Variants in ITPR1 observed in about 807,000 individuals in gnomAD.
ITPR1 encodes the protein inositol 1,4,5-trisphosphate-gated calcium channel ITPR1.
Under a neutral mutation model 318.4 loss-of-function variants are expected in ITPR1, and 96 were observed. That is an observed-to-expected ratio of 0.30 (90% CI 0.26 to 0.36). The LOEUF is 0.36. Among genes scored for constraint, ITPR1 ranks in the 10% least tolerant of loss-of-function variants. The pLI, the probability that ITPR1 is intolerant of heterozygous loss-of-function variation, is 1.00. For synonymous variants in ITPR1, 1,312 were observed against 1,289.9 expected (o/e 1.02, Z -0.37); for missense variants, 2,440 against 3,460.2 (o/e 0.71, Z 7.40).
intron 4 of ITPR1, among the ~76,000 whole-genome samples, chr3:4,567,252 A>G (rs908066427): frequency 6.6e-6 from 1 of 151,934 alleles, no homozygotes; most frequent in East Asian, 1.9e-4. Context: ...TGTTGTCACT[A>G]TTTTTCTTTA....
At chr3:4,736,129 G>C (rs2043247482) in intron 44 of ITPR1, among the ~76,000 whole-genome samples, 1 of 138,978 alleles carries the variant, frequency 7.2e-6, no homozygotes, top group Non-Finnish European at 1.6e-5. Context: ...TTCTTTGTTA[G>C]CTCTCTGAAT....
chr3:4,523,840 T>C (rs1413315319), intron 4 of ITPR1, among the ~76,000 whole-genome samples: 1 of 152,176 alleles, frequency 6.6e-6, no homozygotes, highest in African/African-American at 2.4e-5. Flanking sequence ...GGCACGACTG[T>C]AAAGGTGCCT....
intron 4 of ITPR1, among the ~76,000 whole-genome samples, chr3:4,597,141 G>C (rs371205557): frequency 6.6e-6 from 1 of 152,150 alleles, no homozygotes; most frequent in African/African-American, 2.4e-5. Context: ...TGGTTCATTT[G>C]TTTTGTTTGT....
chr3:4,658,241 C>T lies in ITPR1; in HGVS notation c.1114C>T (p.Pro372Ser), dbSNP rs2093757136. 6.2e-7 allele frequency: 1 copy of T among 1,613,182 alleles called. No homozygotes were observed. The highest frequency in any genetic ancestry group is 1.1e-5 in the South Asian group (1 of 91,006). Reference sequence around the variant, plus strand: ...CATCTCCTCCATTTTCGAGCTAGATCCCACCACTCTGCGTGGAGGTGACAG... The same window carrying T: ...CATCTCCTCCATTTTCGAGCTAGATTCCACCACTCTGCGTGGAGGTGACAG... The part of the protein sequence containing the change: ...NDISSIFELD[P>S]TTLRGGDSLV... Residue 372 changes from proline (P) to serine (S), a missense_variant, in exon 13 of 62, where the codon CCC becomes TCC. By Grantham distance (74) the Pro-to-Ser change is moderately conservative. Around this residue, in one of 23 missense-constraint regions of ITPR1, gnomAD observed 101 missense variants for 119.6 expected, o/e 0.84. Transcript: ENST00000649015.
chr3:4,636,994 C>G (rs1283087664), intron 5 of ITPR1, among the ~76,000 whole-genome samples: 1 of 152,186 alleles, frequency 6.6e-6, no homozygotes, highest in African/African-American at 2.4e-5. Context: ...ATTAGCATTT[C>G]TTAAACTGAA....
At chr3:4,726,193 C>T (rs542712732) in intron 41 of ITPR1, among the ~76,000 whole-genome samples, 2 of 152,130 alleles carry the variant, frequency 1.3e-5, no homozygotes, top group Non-Finnish European at 2.9e-5. Flanking sequence ...CAACGCTCAG[C>T]GAATTTTTGT....
chr3:4,770,512 G>A (rs1428392436), intron 46 of ITPR1, among the ~76,000 whole-genome samples: 2 of 152,176 alleles, frequency 1.3e-5, no homozygotes, highest in South Asian at 2.1e-4. Flanking sequence ...AAACCCCACT[G>A]TCGGCCAGGC....
In ITPR1 at chr3:4,702,815, T is replaced by C. The variant is rs2094684101; in HGVS notation, c.4537-15T>C. On this transcript the variant is annotated splice_polypyrimidine_tract_variant and intron_variant, in intron 35 of 61. Coordinates refer to ENST00000649015, the MANE Select transcript of ITPR1 (RefSeq NM_001378452.1). ...AAAATCTGTTTTTCACGTTGCCTCTTTTGGCTTCTTGCAGACTCGCCAGCC... is the reference window on the plus strand; with the variant it reads ...AAAATCTGTTTTTCACGTTGCCTCTCTTGGCTTCTTGCAGACTCGCCAGCC... 3.1e-6 allele frequency: 5 copies of C among 1,612,818 alleles called. No individual in the cohort carries two copies. Among genetic ancestry groups the C allele is most frequent in the Non-Finnish European group, 4.2e-6 (5 of 1,179,312 alleles).
chr3:4,536,497 A>G (rs1218459891), intron 4 of ITPR1, among the ~76,000 whole-genome samples: 3 of 152,224 alleles, frequency 2.0e-5, no homozygotes, highest in Non-Finnish European at 4.4e-5. Context: ...CTTCTTGACT[A>G]TTTACAAGGT....
chr3:4,707,224 A>G (rs1310868749), intron 37 of ITPR1, among the ~76,000 whole-genome samples: 2 of 152,194 alleles, frequency 1.3e-5, no homozygotes, highest in Non-Finnish European at 2.9e-5. Context: ...AATCACAACA[A>G]TTACCTTATT....
intron 3 of ITPR1, 121 bp from the exon 4 acceptor site, chr3:4,520,903 G>A (rs1269429296): frequency 2.7e-6 from 2 of 743,282 alleles, no homozygotes; most frequent in Non-Finnish European, 4.8e-6. Context: ...AGAGTTCCTG[G>A]CAGGAGAATA....
At chr3:4,604,284 T>A (rs987236623) in intron 4 of ITPR1, among the ~76,000 whole-genome samples, 2 of 152,284 alleles carry the variant, frequency 1.3e-5, no homozygotes, top group Admixed American at 1.3e-4. Flanking sequence ...GCTGGACCTA[T>A]GCTTGTGGGC....
At chr3:4,786,052 A>T (rs1350588143) in intron 51 of ITPR1, among the ~76,000 whole-genome samples, 2 of 152,100 alleles carry the variant, frequency 1.3e-5, no homozygotes, top group African/African-American at 4.8e-5. Flanking sequence ...GGAGTCTAGA[A>T]CTCAGTTCTT....
intron 61 of ITPR1, among the ~76,000 whole-genome samples, chr3:4,837,850 G>C (rs975130843): frequency 6.6e-6 from 1 of 152,040 alleles, no homozygotes; most frequent in African/African-American, 2.4e-5. Flanking sequence ...TAAGTGACTG[G>C]GATAATCATG....
intron 4 of ITPR1, among the ~76,000 whole-genome samples, chr3:4,537,018 A>C (rs916843441): frequency 6.6e-6 from 1 of 152,190 alleles, no homozygotes; most frequent in Non-Finnish European, 1.5e-5. Context: ...GGGGCTCAGG[A>C]AAACACAGAT....
rs532377862 is a variant in ITPR1 at position 4,606,612 on chromosome 3, G to C, written c.164-21151G>C. Among the ~76,000 whole-genome samples, 16 of 152,242 alleles carry C rather than the reference G, an allele frequency of 1.1e-4. No individual in the cohort carries two copies. In the East Asian group the frequency reaches 3.1e-3, roughly 29 times the overall value. ...GGGTATGGTAAAACACATGTTGCAAGGGAAAAGGAGCAGGTAGCGGAATGT... is the reference window on the plus strand; with the variant it reads ...GGGTATGGTAAAACACATGTTGCAACGGAAAAGGAGCAGGTAGCGGAATGT... On this transcript the variant is annotated intron_variant, in intron 4 of 61. Transcript: ENST00000649015.
chr3:4,524,301 GTTTTTTTTT>G (rs56380229), intron 4 of ITPR1, among the ~76,000 whole-genome samples: 3 of 73,494 alleles, frequency 4.1e-5, no homozygotes, highest in Non-Finnish European at 7.1e-5. Context: ...ATACTTTGAC[GTTTTTTTTT>G]TTTTTTTTTT....
chr3:4,800,119 C>A (rs2048129980), intron 53 of ITPR1: 2 of 394,210 alleles, frequency 5.1e-6, no homozygotes, highest in South Asian at 3.3e-5. Flanking sequence ...GGAGGGAACT[C>A]CTGACATGTT....
chr3:4,616,304 C>T lies in ITPR1; in HGVS notation c.164-11459C>T, dbSNP rs972795903. Reference sequence around the variant, plus strand: ...GCAAATAAGCCCTGACCTCATGAGGCTTACAGTCTAATAAGTTTGAATTGG... The same window carrying T: ...GCAAATAAGCCCTGACCTCATGAGGTTTACAGTCTAATAAGTTTGAATTGG... On this transcript the variant is annotated intron_variant, in intron 4 of 61. Transcript: ENST00000649015. Among the ~76,000 whole-genome samples, 4 of 152,304 alleles carry T rather than the reference C, an allele frequency of 2.6e-5. No individual in the cohort carries two copies. In the East Asian group the frequency reaches 7.7e-4, roughly 29 times the overall value.
Sources: gnomAD v4.1 joint callset for allele counts (sites outside exome capture counted in the v4.1 genomes callset) on GRCh38, gnomAD v4.1.1 for gene constraint, gnomAD v4.1.1 regional missense constraint, MANE v1.5 for transcripts, NCBI Gene and HGNC (gene_info 2026-07-23, HGNC 2026-07-21) for gene names.